Variants in DLG2 observed in about 807,000 individuals in gnomAD.
DLG2 encodes disks large homolog 2.
In DLG2, 45 loss-of-function variants were observed where a neutral mutation model predicts 132.5. The ratio of observed to expected loss-of-function variants is 0.34; its 90% CI spans 0.27 to 0.44. The LOEUF is 0.44. Ranked by LOEUF, DLG2 falls within the 20% of genes least tolerant of loss-of-function variation. The pLI is 1.00. For missense variants in DLG2, 1,045 were observed against 1,196.9 expected, an observed-to-expected ratio of 0.87 and a Z score of 1.87; for synonymous variants, 424 against 419.6, an observed-to-expected ratio of 1.01 and a Z score of -0.13.
At chr11:85,336,541 T>A (rs1250437229) in intron 3 of DLG2, 1 of 160,214 alleles carries the variant, frequency 6.2e-6, no homozygotes, top group Non-Finnish European at 1.4e-5. Context: ...CCTCTCCACT[T>A]CTCTGAGACC....
At chr11:83,615,332 A>G (rs1338789568) in intron 19 of DLG2, among the ~76,000 whole-genome samples, 1 of 152,214 alleles carries the variant, frequency 6.6e-6, no homozygotes, top group Non-Finnish European at 1.5e-5. Context: ...AATACTTGCA[A>G]CAACGCTTTA....
At chr11:84,557,017 G>C (rs2099413283) in intron 6 of DLG2, among the ~76,000 whole-genome samples, 1 of 152,094 alleles carries the variant, frequency 6.6e-6, no homozygotes, top group Non-Finnish European at 1.5e-5. Context: ...TCTCCCCTGA[G>C]GTAATTGTGG....
At chr11:85,131,123 T>C (rs1396105344) in intron 5 of DLG2, among the ~76,000 whole-genome samples, 3 of 151,918 alleles carry the variant, frequency 2.0e-5, no homozygotes, top group African/African-American at 2.4e-5. Flanking sequence ...AAAATAATAA[T>C]ATGTATCACC....
chr11:84,637,254 T>G (rs1017864984), intron 6 of DLG2, among the ~76,000 whole-genome samples: 1 of 152,164 alleles, frequency 6.6e-6, no homozygotes, highest in Non-Finnish European at 1.5e-5. Flanking sequence ...ACAAAGATTA[T>G]AGCAATGATT....
At chr11:84,290,686 T>C (rs1414125226) in intron 7 of DLG2, among the ~76,000 whole-genome samples, 1 of 152,114 alleles carries the variant, frequency 6.6e-6, no homozygotes, top group Non-Finnish European at 1.5e-5. Flanking sequence ...GTGGGAGAGA[T>C]ATTGAGTAAC....
chr11:84,825,595 C>G (rs1425038907), intron 6 of DLG2, among the ~76,000 whole-genome samples: 1 of 151,888 alleles, frequency 6.6e-6, no homozygotes, highest in Non-Finnish European at 1.5e-5. Context: ...AGACACATTT[C>G]AGACTCCTAT....
intron 6 of DLG2, among the ~76,000 whole-genome samples, chr11:85,026,193 G>A (rs1237231782): frequency 6.6e-6 from 1 of 151,890 alleles, no homozygotes; most frequent in Non-Finnish European, 1.5e-5. Flanking sequence ...CAATAAACTG[G>A]AAGAAAATAT....
chr11:85,352,709 C>A (rs1320390557), intron 3 of DLG2, among the ~76,000 whole-genome samples: 2 of 152,156 alleles, frequency 1.3e-5, no homozygotes, highest in African/African-American at 2.4e-5. Context: ...TGATCTTTGA[C>A]AAACCTGACA....
intron 18 of DLG2, chr11:83,682,512 C>A (rs1024803226): frequency 1.1e-6 from 1 of 900,988 alleles, no homozygotes; most frequent in Non-Finnish European, 1.3e-6. Flanking sequence ...CAGTAGTGTA[C>A]CCCCATCCTC....
intron 21 of DLG2, among the ~76,000 whole-genome samples, chr11:83,521,872 G>A (rs114513645): frequency 0.053 from 7,977 of 151,866 alleles, 230 homozygotes; most frequent in Middle Eastern, 0.11. Flanking sequence ...TCCCTCCCAA[G>A]TCCCCACCAT....
intron 7 of DLG2, among the ~76,000 whole-genome samples, chr11:84,358,112 A>G (rs113874819): frequency 1.3e-5 from 2 of 152,076 alleles, no homozygotes; most frequent in African/African-American, 4.8e-5. Flanking sequence ...TTCAGAAGGT[A>G]CTCAACATGT....
chr11:85,213,169 C>T (rs1379285037), intron 4 of DLG2, among the ~76,000 whole-genome samples: 1 of 152,066 alleles, frequency 6.6e-6, no homozygotes, highest in Non-Finnish European at 1.5e-5. Context: ...AAGGTAGATG[C>T]TGTTGATGAA....
intron 6 of DLG2, among the ~76,000 whole-genome samples, chr11:84,639,185 A>C (rs1416732428): frequency 6.6e-6 from 1 of 152,164 alleles, no homozygotes; most frequent in Non-Finnish European, 1.5e-5. Flanking sequence ...TAGCATTTGG[A>C]AAGAGTTGCT....
At chr11:84,727,311 A>G (rs998368707) in intron 6 of DLG2, among the ~76,000 whole-genome samples, 16 of 152,148 alleles carry the variant, frequency 1.1e-4, no homozygotes, top group African/African-American at 3.9e-4. Flanking sequence ...TTTTCTGCAT[A>G]TGGCTTGCCA....
chr11:85,513,260 T>C (rs1339308966), intron 3 of DLG2, among the ~76,000 whole-genome samples: 1 of 151,918 alleles, frequency 6.6e-6, no homozygotes, highest in Non-Finnish European at 1.5e-5. Flanking sequence ...CAATTAGCAA[T>C]GGGATCATTA....
Position 84,039,679 on chromosome 11 carries a change from T to C in DLG2, c.919+19636A>G, listed in dbSNP as rs1449684048. 3.6e-5 allele frequency among the ~76,000 whole-genome samples: 3 copies of C among 82,656 alleles called. No homozygotes were observed. In the East Asian group the frequency reaches 1.1e-3, roughly 30 times the overall value. 54.2% of individuals were successfully genotyped at this position (82,656 alleles called of 152,430 possible). A position where few individuals can be genotyped will look rare whatever the true frequency, so the allele number is the denominator to read the frequency against. On this transcript the variant is annotated intron_variant, in intron 11 of 27. Transcript: ENST00000376104. Reference sequence around the variant, plus strand: ...ATTGTGAATAATGCCGCAATAAACATACGTGTGCATGTGTCTTTATAGCAG... The same window carrying C: ...ATTGTGAATAATGCCGCAATAAACACACGTGTGCATGTGTCTTTATAGCAG...
intron 6 of DLG2, among the ~76,000 whole-genome samples, chr11:84,863,410 T>G (rs746203180): frequency 6.6e-6 from 1 of 152,182 alleles, no homozygotes; most frequent in Admixed American, 6.5e-5. Context: ...GTGTCTCAGA[T>G]GCGCTTTTCC....
chr11:84,878,634 A>G (rs949782130), intron 6 of DLG2, among the ~76,000 whole-genome samples: 1 of 152,166 alleles, frequency 6.6e-6, no homozygotes, highest in East Asian at 1.9e-4. Flanking sequence ...GCAGCAAACT[A>G]CATGGCACAT....
At chr11:84,873,225 A>G (rs1389726640) in intron 6 of DLG2, among the ~76,000 whole-genome samples, 1 of 152,186 alleles carries the variant, frequency 6.6e-6, no homozygotes, top group Non-Finnish European at 1.5e-5. Context: ...TCAGAGTTAG[A>G]AAAGAAGATG....
Sources: allele counts gnomAD v4.1 joint callset (sites outside exome capture counted in the v4.1 genomes callset), GRCh38; gene constraint gnomAD v4.1.1; transcripts MANE v1.5; gene names NCBI Gene and HGNC (gene_info 2026-07-23, HGNC 2026-07-21).